Variants in ANKRD30A observed in about 807,000 individuals in gnomAD.
ANKRD30A encodes the protein ankyrin repeat domain-containing protein 30A.
ANKRD30A carries 170 observed loss-of-function variants against 166.3 expected under a neutral mutation model. The observed-to-expected ratio is 1.02, with a 90% CI of 0.90 to 1.16. The LOEUF (loss-of-function observed/expected upper bound fraction) is 1.16, where lower values mean the gene tolerates loss of function less well. ANKRD30A is among the 50% of genes most tolerant of loss of function. The probability of loss-of-function intolerance (pLI) is 0.00; values close to 1 mark genes in which losing one functional copy is unlikely to be tolerated. For synonymous variants in ANKRD30A, 564 were observed against 508.9 expected (o/e 1.11, Z -1.46); for missense variants, 1,630 against 1,518.0 (o/e 1.07, Z -1.23).
At chr10:37,127,935 C>T (rs951013975) in intron 1 of ANKRD30A, among the ~76,000 whole-genome samples, 1 of 152,058 alleles carries the variant, frequency 6.6e-6, no homozygotes, top group African/African-American at 2.4e-5. Context: ...ATGAAACATA[C>T]ATGCAATTTC....
chr10:37,256,795 C>G, the ANKRD30A span, among the ~76,000 whole-genome samples: 1 of 152,102 alleles, frequency 6.6e-6, no homozygotes, highest in Admixed American at 6.5e-5. Context: ...ATTCATTTTG[C>G]CAGTCTTTTA....
the ANKRD30A span, among the ~76,000 whole-genome samples, chr10:37,248,638 C>A: frequency 6.6e-6 from 1 of 151,606 alleles, no homozygotes; most frequent in African/African-American, 2.4e-5. Flanking sequence ...ATTTTAAATA[C>A]AGTGTTTCTT....
At chr10:37,140,022 T>C (rs1836992374) in intron 6 of ANKRD30A, among the ~76,000 whole-genome samples, 1 of 152,218 alleles carries the variant, frequency 6.6e-6, no homozygotes, top group Non-Finnish European at 1.5e-5. Flanking sequence ...GTTTCTATTT[T>C]ATATGTACTA....
At chr10:37,239,681 A>G in the ANKRD30A span, among the ~76,000 whole-genome samples, 1 of 152,146 alleles carries the variant, frequency 6.6e-6, no homozygotes, top group Non-Finnish European at 1.5e-5. Flanking sequence ...AGTAAGAGAA[A>G]AACTCATAGA....
At position 37,125,764 on chromosome 10, in the gene ANKRD30A, A is replaced by T. The variant is rs1001499166; in HGVS notation, c.-24A>T. 16 of 601,528 alleles carry T rather than the reference A, an allele frequency of 2.7e-5. No individual in the cohort carries two copies. Among genetic ancestry groups the T allele is most frequent in the Middle Eastern group, 4.5e-4 (1 of 2,208 alleles). 37.3% of individuals were successfully genotyped at this position (601,528 alleles called of 1,614,324 possible). A position where few individuals can be genotyped will look rare whatever the true frequency, so the allele number is the denominator to read the frequency against. On this transcript the variant is annotated 5_prime_UTR_variant, in exon 1 of 36. Transcript: ENST00000361713. ...GGAAGGGCGATCGGGAGGCGCGGGC[A>T]CTCTCTAGCAGGTGGCCGCAGCCAT... is the stretch of plus-strand genomic sequence containing the variant.
the ANKRD30A span, among the ~76,000 whole-genome samples, chr10:37,260,480 A>C: frequency 6.6e-6 from 1 of 152,192 alleles, no homozygotes; most frequent in Non-Finnish European, 1.5e-5. Context: ...TGTTTAGGGC[A>C]GCCTATAATA....
chr10:37,212,757 G>T (rs994505176), intron 31 of ANKRD30A, among the ~76,000 whole-genome samples: 1 of 151,756 alleles, frequency 6.6e-6, no homozygotes, highest in Admixed American at 6.6e-5. Flanking sequence ...TGTAAGGAAG[G>T]GGTCGAGTTT....
intron 15 of ANKRD30A, among the ~76,000 whole-genome samples, chr10:37,161,138 G>T (rs535685081): frequency 3.0e-4 from 45 of 152,234 alleles, no homozygotes; most frequent in African/African-American, 8.9e-4. Context: ...TTTCTAATAA[G>T]TTCTCAGGTG....
intron 34 of ANKRD30A, 89 bp downstream of exon 34, chr10:37,219,986 TGAA>T: frequency 9.4e-6 from 2 of 212,930 alleles, no homozygotes; most frequent in Non-Finnish European, 1.5e-5. Context: ...TGAATCTAGT[TGAA>T]TATATATATA....
At chr10:37,242,733 T>C in the ANKRD30A span, among the ~76,000 whole-genome samples, 1 of 152,168 alleles carries the variant, frequency 6.6e-6, no homozygotes, top group Non-Finnish European at 1.5e-5. Context: ...GAAATCACCT[T>C]TTACTGTATG....
chr10:37,249,310 A>T, the ANKRD30A span, among the ~76,000 whole-genome samples: 1 of 152,138 alleles, frequency 6.6e-6, no homozygotes, highest in South Asian at 2.1e-4. Flanking sequence ...GTTGACTGTG[A>T]TTCTATTAAT....
rs1193666874 is a variant in ANKRD30A at position 37,162,690 on chromosome 10, A to G, written c.1929+13A>G. The G allele has an allele frequency of 2.5e-6, 4 of 1,612,784 alleles. No homozygotes were observed. The highest frequency in any genetic ancestry group is 3.4e-6 in the Non-Finnish European group (4 of 1,179,760). On this transcript the variant is annotated intron_variant, in intron 16 of 35. Coordinates refer to ENST00000361713, the MANE Select transcript of ANKRD30A (RefSeq NM_052997.3). ...ATCTGCCTTCGAGGTATTTAGTTTT[A>G]TGATTTCATTTTGAATGACTTATTA...
At chr10:37,200,341 G>A (rs1181041438) in intron 30 of ANKRD30A, among the ~76,000 whole-genome samples, 2 of 152,024 alleles carry the variant, frequency 1.3e-5, no homozygotes, top group Non-Finnish European at 2.9e-5. Flanking sequence ...AAGAGTATTG[G>A]TTGAGTAGTC....
intron 19 of ANKRD30A, 32 bp downstream of exon 19, chr10:37,166,727 G>C (rs2132613030): frequency 3.7e-6 from 6 of 1,607,492 alleles, no homozygotes; most frequent in South Asian, 1.1e-5. Flanking sequence ...AAAATCATTT[G>C]ACCAAATATT....
intron 31 of ANKRD30A, among the ~76,000 whole-genome samples, chr10:37,213,247 T>C (rs1842429655): frequency 6.6e-6 from 1 of 151,892 alleles, no homozygotes; most frequent in Non-Finnish European, 1.5e-5. Flanking sequence ...GATCAAGGTA[T>C]CATCAGATTT....
intron 31 of ANKRD30A, among the ~76,000 whole-genome samples, chr10:37,211,469 T>C (rs968886154): frequency 6.6e-6 from 1 of 152,104 alleles, no homozygotes; most frequent in Non-Finnish European, 1.5e-5. Context: ...GAACTCATCA[T>C]TTTTTATGGC....
At chr10:37,228,574 C>G (rs1843266082) in intron 34 of ANKRD30A, among the ~76,000 whole-genome samples, 1 of 151,824 alleles carries the variant, frequency 6.6e-6, no homozygotes, top group Admixed American at 6.6e-5. Context: ...TTTAATTTTC[C>G]AGCTGTTGCG....
chr10:37,152,011 A>G (rs17605904), intron 11 of ANKRD30A, 49 bp from the exon 12 acceptor site: 13 of 1,487,176 alleles, frequency 8.7e-6, no homozygotes, highest in South Asian at 1.2e-5. Context: ...TTTAAAATTT[A>G]TAGTAGAGAA....
intron 21 of ANKRD30A, among the ~76,000 whole-genome samples, chr10:37,172,551 T>C (rs1234396401): frequency 1.4e-5 from 2 of 146,346 alleles, no homozygotes; most frequent in Admixed American, 6.7e-5. Flanking sequence ...TTCTTTTTTT[T>C]TTTTTTTTTT....
Sources: gnomAD v4.1 joint callset for allele counts (sites outside exome capture counted in the v4.1 genomes callset) on GRCh38, gnomAD v4.1.1 for gene constraint, MANE v1.5 for transcripts, NCBI Gene and HGNC (gene_info 2026-07-23, HGNC 2026-07-21) for gene names.